MAF: variants seen among roughly 807,000 people sequenced by gnomAD.
The protein encoded by MAF is transcription factor Maf.
In MAF, 10 loss-of-function variants were observed where a neutral mutation model predicts 22.0. The observed-to-expected ratio is 0.45, with a 90% confidence interval of 0.28 to 0.77. MAF has a LOEUF of 0.77. Among genes scored for constraint, MAF ranks in the 30% least tolerant of loss-of-function variants. The probability of loss-of-function intolerance (pLI) is 0.12; values close to 1 mark genes in which losing one functional copy is unlikely to be tolerated. For synonymous variants in MAF, 337 were observed against 255.8 expected (o/e 1.32, Z -3.03); for missense variants, 544 against 548.4 (o/e 0.99, Z 0.08).
chr16:79,571,705 T>C, the MAF span, among the ~76,000 whole-genome samples: 20 of 152,244 alleles, frequency 1.3e-4, no homozygotes, highest in Middle Eastern at 3.4e-3. Context: ...AGGATAGATC[T>C]ACAGGTCTAC....
the MAF span, among the ~76,000 whole-genome samples, chr16:79,531,355 G>C: frequency 6.6e-6 from 1 of 152,110 alleles, no homozygotes; most frequent in Non-Finnish European, 1.5e-5. Flanking sequence ...TAACACCAGG[G>C]ACTAGTTTCA....
chr16:79,577,003 C>T, the MAF span, among the ~76,000 whole-genome samples: 2 of 152,148 alleles, frequency 1.3e-5, no homozygotes, highest in Non-Finnish European at 2.9e-5. Context: ...GCCAGCAGTG[C>T]ACCTGATACT....
chr16:79,573,930 A>G, the MAF span, among the ~76,000 whole-genome samples: 1 of 152,216 alleles, frequency 6.6e-6, no homozygotes, highest in African/African-American at 2.4e-5. Flanking sequence ...AACTTTTACC[A>G]GGCTCTTATC....
chr16:79,312,621 C>A, the MAF span, among the ~76,000 whole-genome samples: 3 of 152,222 alleles, frequency 2.0e-5, no homozygotes, highest in African/African-American at 4.8e-5. Flanking sequence ...GCGCCCAATA[C>A]CTAGGACCGT....
the MAF span, among the ~76,000 whole-genome samples, chr16:79,298,033 A>C: frequency 6.6e-6 from 1 of 152,250 alleles, no homozygotes; most frequent in Non-Finnish European, 1.5e-5. Flanking sequence ...TGCGGAATGA[A>C]AATGCAGGGC....
intron 1 of MAF, chr16:79,597,298 GAATTA>G: frequency 2.9e-6 from 3 of 1,041,984 alleles, no homozygotes; most frequent in Non-Finnish European, 3.5e-6. Context: ...ATAAAAACTA[GAATTA>G]AATTATATAC....
chr16:79,276,366 G>T, the MAF span, among the ~76,000 whole-genome samples: 1 of 152,082 alleles, frequency 6.6e-6, no homozygotes, highest in South Asian at 2.1e-4. Flanking sequence ...AAGAAAGGAG[G>T]GTTGTGAAAG....
chr16:79,354,049 G>T, the MAF span, among the ~76,000 whole-genome samples: 1 of 152,062 alleles, frequency 6.6e-6, no homozygotes, highest in Non-Finnish European at 1.5e-5. Flanking sequence ...AGGCTGGAGT[G>T]CAGTGGTGCC....
At chr16:79,245,341 A>C in the MAF span, among the ~76,000 whole-genome samples, 8 of 152,052 alleles carry the variant, frequency 5.3e-5, no homozygotes, top group Non-Finnish European at 1.2e-4. Context: ...TAATACCTGG[A>C]ATCTACAGAT....
At chr16:79,544,580 G>C in the MAF span, among the ~76,000 whole-genome samples, 3 of 151,942 alleles carry the variant, frequency 2.0e-5, no homozygotes, top group South Asian at 4.2e-4. Context: ...CGAGACCATC[G>C]TGGATAACAT....
chr16:79,202,870 C>T, the MAF span: 121 of 152,104 alleles, frequency 8.0e-4, no homozygotes, highest in African/African-American at 2.9e-3. Context: ...TCCTAAAATA[C>T]AGTAGATGAG....
At chr16:79,319,045 G>A in the MAF span, among the ~76,000 whole-genome samples, 1 of 150,352 alleles carries the variant, frequency 6.7e-6, no homozygotes, top group East Asian at 2.0e-4. Flanking sequence ...ATTCACTTCT[G>A]TGATGAATCA....
the MAF span, among the ~76,000 whole-genome samples, chr16:79,540,459 T>A: frequency 6.6e-6 from 1 of 152,048 alleles, no homozygotes; most frequent in Non-Finnish European, 1.5e-5. Context: ...GACAAGGGCA[T>A]CCACGCACCA....
At chr16:79,569,530 G>A in the MAF span, among the ~76,000 whole-genome samples, 1 of 152,144 alleles carries the variant, frequency 6.6e-6, no homozygotes, top group East Asian at 1.9e-4. Flanking sequence ...CTGGAAACAG[G>A]TTTGAAACGT....
At chr16:79,334,462 T>G in the MAF span, among the ~76,000 whole-genome samples, 2 of 152,150 alleles carry the variant, frequency 1.3e-5, no homozygotes, top group Admixed American at 1.3e-4. Context: ...GAGGGACCTT[T>G]CTGGGAGCTG....
chr16:79,519,059 A>G, the MAF span, among the ~76,000 whole-genome samples: 2 of 152,218 alleles, frequency 1.3e-5, no homozygotes, highest in African/African-American at 4.8e-5. Context: ...TGTAATAATA[A>G]TATTACTAAT....
At chr16:79,502,478 C>A in the MAF span, among the ~76,000 whole-genome samples, 1 of 151,702 alleles carries the variant, frequency 6.6e-6, no homozygotes, top group Non-Finnish European at 1.5e-5. Context: ...CCACTCTGGG[C>A]AATATGGCTA....
chr16:79,423,769 A>T, the MAF span, among the ~76,000 whole-genome samples: 1 of 152,114 alleles, frequency 6.6e-6, no homozygotes, highest in Non-Finnish European at 1.5e-5. Flanking sequence ...CAGCAACTTA[A>T]CTGTATTGAG....
chr16:79,461,040 C>T, the MAF span, among the ~76,000 whole-genome samples: 5 of 152,182 alleles, frequency 3.3e-5, no homozygotes, highest in Non-Finnish European at 7.3e-5. Flanking sequence ...GTACCAAAAA[C>T]ACATGTATTT....
Sources: allele counts gnomAD v4.1 joint callset (sites outside exome capture counted in the v4.1 genomes callset), GRCh38; gene constraint gnomAD v4.1.1; transcripts MANE v1.5; gene names NCBI Gene and HGNC (gene_info 2026-07-23, HGNC 2026-07-21).